MAP7D1: variants seen among roughly 807,000 people sequenced by gnomAD.
MAP7D1 encodes MAP7 domain-containing protein 1.
A neutral mutation model predicts 97.5 loss-of-function variants in MAP7D1; 30 were observed. The observed-to-expected ratio is 0.31, with a 90% CI of 0.23 to 0.42. The LOEUF (loss-of-function observed/expected upper bound fraction) is 0.42, where lower values mean the gene tolerates loss of function less well. Among genes scored for constraint, MAP7D1 ranks in the 10% least tolerant of loss-of-function variants. The pLI, the probability that MAP7D1 is intolerant of heterozygous loss-of-function variation, is 1.00. For synonymous variants in MAP7D1, 536 were observed against 477.1 expected (o/e 1.12, Z -1.61); for missense variants, 1,184 against 1,179.5 (o/e 1.00, Z -0.06).
chr1:36,170,985 ACCC>A lies in MAP7D1; in HGVS notation c.66_68del (p.Pro23del). On this transcript the variant is annotated inframe_deletion, in exon 2 of 17. Coordinates refer to ENST00000474796, the MANE Select transcript of MAP7D1 (RefSeq NM_001388490.1). The stretch of plus-strand genomic sequence containing the variant: ...TGGTCTTTCAGCTGTGGTCGCCAGG[ACCC>A]CCCCAGAGCCAAGACCTTCTCCAGA... 3 of 1,107,864 alleles carry A rather than the reference ACCC, an allele frequency of 2.7e-6. No homozygotes were observed. Among genetic ancestry groups the A allele is most frequent in the Non-Finnish European group, 2.7e-6 (2 of 754,696 alleles). The allele number at this position is 1,107,864 out of a possible 1,614,324, so 68.6% of individuals were successfully genotyped here. A position where few individuals can be genotyped will look rare whatever the true frequency, so the allele number is the denominator to read the frequency against.
At chr1:36,179,171 G>A in intron 12 of MAP7D1, 91 bp from the exon 13 acceptor site, 2 of 1,520,438 alleles carry the variant, frequency 1.3e-6, no homozygotes, top group South Asian at 2.3e-5. Context: ...TGAGCTGGGA[G>A]GCCCTAAGAC....
Position 36,178,921 on chromosome 1 carries a change from A to G in MAP7D1, c.2026A>G (p.Lys676Glu), listed in dbSNP as rs1644672835. ...CCACGCTCATGGGGGTCTTTGGCAG[A>G]AAGAGGAGGCCGAAGCTCGGTCGCG... is the stretch of plus-strand genomic sequence containing the variant. ...QEEQERLQKQKEEAEARSREE... is the reference protein window; with the variant it reads ...QEEQERLQKQEEEAEARSREE... The change falls in exon 12 of 17, where the codon AAA becomes GAA. Residue 676 changes from lysine (K) to glutamate (E), a missense_variant and splice_region_variant. Physicochemically the swap from Lys to Glu is moderately conservative, Grantham distance 56 (BLOSUM62 1). Transcript: ENST00000474796. The G allele has an allele frequency of 6.4e-7, 1 of 1,553,946 alleles. No homozygotes were observed. Among genetic ancestry groups the G allele is most frequent in the East Asian group, 2.4e-5 (1 of 41,166 alleles).
intron 5 of MAP7D1, among the ~76,000 whole-genome samples, chr1:36,174,150 G>A (rs887192325): frequency 6.6e-6 from 1 of 152,206 alleles, no homozygotes; most frequent in Non-Finnish European, 1.5e-5. Flanking sequence ...ACTGGGGATA[G>A]TGATACTACT....
rs1302713382 is a variant in MAP7D1 at position 36,176,105 on chromosome 1, T to C, written c.851-94T>C. On this transcript the variant is annotated intron_variant, in intron 6 of 16. Coordinates refer to ENST00000474796, the MANE Select transcript of MAP7D1 (RefSeq NM_001388490.1). The surrounding 1 kb of genome is among the most constrained non-coding windows in gnomAD (Gnocchi z 6.1). ...GACTCCCGGGTGAGAAGCCTTGGCC[T>C]TGGCATGGGGATGGTGCCTGGTCTG... 9 of 1,434,494 alleles carry C rather than the reference T, an allele frequency of 6.3e-6. No individual in the cohort carries two copies. Among genetic ancestry groups the C allele is most frequent in the Non-Finnish European group, 8.5e-6 (9 of 1,064,746 alleles). The allele number at this position is 1,434,494 out of a possible 1,614,324, so 88.9% of individuals were successfully genotyped here.
At chr1:36,162,583 G>A (rs1570130081) in intron 1 of MAP7D1, among the ~76,000 whole-genome samples, 3 of 152,282 alleles carry the variant, frequency 2.0e-5, no homozygotes, top group East Asian at 3.9e-4. Flanking sequence ...GTGAAATGGG[G>A]GCCATCATAG....
chr1:36,173,670 G>A (rs1644578820), intron 5 of MAP7D1, among the ~76,000 whole-genome samples, 192 bp downstream of exon 5: 1 of 152,230 alleles, frequency 6.6e-6, no homozygotes, highest in South Asian at 2.1e-4. Flanking sequence ...TCAAATCAGA[G>A]ATGGATTCTC....
intron 8 of MAP7D1, 130 bp from the exon 9 acceptor site, chr1:36,177,743 G>C (rs1379980991): frequency 2.2e-6 from 3 of 1,349,582 alleles, no homozygotes; most frequent in Non-Finnish European, 2.9e-6. Context: ...GTGTGTTTCT[G>C]TGAGAGCAAG....
chr1:36,171,662 G>A (rs1644545500), intron 3 of MAP7D1, 81 bp downstream of exon 3: 1 of 1,474,970 alleles, frequency 6.8e-7, no homozygotes, highest in Non-Finnish European at 9.4e-7. Context: ...CTGGGGCGCA[G>A]TGGCTCACGC....
At chr1:36,160,669 C>T (rs1016218063) in intron 1 of MAP7D1, among the ~76,000 whole-genome samples, 1 of 152,232 alleles carries the variant, frequency 6.6e-6, no homozygotes, top group African/African-American at 2.4e-5. Context: ...GAAGTCTGTG[C>T]CCTAAACCTC....
rs548022859 is a variant in MAP7D1 at position 36,173,733 on chromosome 1, C to T, written c.739+255C>T. 2.1e-3 allele frequency among the ~76,000 whole-genome samples: 322 copies of T among 152,272 alleles called. 1 individual carries two copies. The highest frequency in any genetic ancestry group is 0.01 in the Middle Eastern group (3 of 294). ...GTCATTTTAGGATTAGCCTTCTTTG[C>T]GCCTGTCAATTATTATTAGTTGTTG... On this transcript the variant is annotated intron_variant, in intron 5 of 16. Coordinates refer to ENST00000474796, the MANE Select transcript of MAP7D1 (RefSeq NM_001388490.1).
chr1:36,171,627 G>A (rs767754810), intron 3 of MAP7D1, 46 bp downstream of exon 3: 2 of 1,600,378 alleles, frequency 1.2e-6, no homozygotes, highest in Admixed American at 1.7e-5. Flanking sequence ...GTCATCATCA[G>A]CATCCTATTA....
At position 36,170,982 on chromosome 1, in the gene MAP7D1, A is replaced by G. The variant is rs141130793; in HGVS notation, c.58A>G (p.Arg20Gly). Residue 20 changes from arginine (R) to glycine (G), a missense_variant, in exon 2 of 17, where the codon AGG becomes GGG. Arg to Gly is a moderately radical substitution (Grantham distance 125). Transcript: ENST00000474796. ...GAGAPPAVVA[R>G]TPPEPRPSPE... ...TGTTGGTCTTTCAGCTGTGGTCGCC[A>G]GGACCCCCCCAGAGCCAAGACCTTC... 83 of 1,426,732 alleles carry G rather than the reference A, an allele frequency of 5.8e-5. No individual in the cohort carries two copies. The highest frequency in any genetic ancestry group is 7.7e-5 in the Non-Finnish European group (79 of 1,024,126). The allele number at this position is 1,426,732 out of a possible 1,614,324, so 88.4% of individuals were successfully genotyped here. A position where few individuals can be genotyped will look rare whatever the true frequency, so the allele number is the denominator to read the frequency against.
Position 36,172,610 on chromosome 1 carries a change from A to C in MAP7D1, c.607A>C (p.Lys203Gln), listed in dbSNP as rs770768975. 6.4e-7 allele frequency: 1 copy of C among 1,569,736 alleles called. No homozygotes were observed. The highest frequency in any genetic ancestry group is 8.7e-7 in the Non-Finnish European group (1 of 1,147,484). ...AGCCCTGGAGGAACGGCAGCGGCAG[A>C]AGCTCGAGAAAAACAAGGTGCGGGA... ...RAALEERQRQ[K>Q]LEKNKERYEA... The change falls in exon 4 of 17, where the codon AAG becomes CAG. Residue 203 changes from lysine (K) to glutamine (Q), a missense_variant. Lys to Gln is a moderately conservative substitution (Grantham distance 53). Coordinates refer to ENST00000474796, the MANE Select transcript of MAP7D1 (RefSeq NM_001388490.1).
chr1:36,177,948 G>T lies in MAP7D1; in HGVS notation c.1455G>T (p.Gly485=). Residue 485 remains glycine (G), a synonymous_variant, in exon 9 of 17, where the codon GGG becomes GGT. Coordinates refer to ENST00000474796, the MANE Select transcript of MAP7D1 (RefSeq NM_001388490.1). ...CTGCCTCCCCCTGCCCCAGCCCAGG[G>T]CCAGGCCACACTCTGCCTCCAAAGC... The part of the protein sequence containing the change: ...HRPASPCPSP[G]PGHTLPPKPP... 6.3e-7 allele frequency: 1 copy of T among 1,593,662 alleles called. No individual in the cohort carries two copies.
intron 1 of MAP7D1, among the ~76,000 whole-genome samples, chr1:36,157,619 G>T (rs1190525376): frequency 6.6e-6 from 1 of 152,184 alleles, no homozygotes; most frequent in Admixed American, 6.5e-5. Context: ...ACTCAGGGGG[G>T]AGGTGGCCCC....
chr1:36,179,389 A>T (rs1029835731), intron 13 of MAP7D1, 74 bp downstream of exon 13: 2 of 1,594,184 alleles, frequency 1.3e-6, no homozygotes, highest in Non-Finnish European at 1.7e-6. Flanking sequence ...AAAGGCATCC[A>T]TGGCCACGGA....
At position 36,156,184 on chromosome 1, in the gene MAP7D1, C is replaced by T. The variant is rs1181852274; in HGVS notation, c.-234C>T. ...GGTTGGGCCGAGGCCGGGACTGGGC[C>T]GGCGCCGGGCGGGGAACGGGTTCGC... is the stretch of plus-strand genomic sequence containing the variant. On this transcript the variant is annotated 5_prime_UTR_variant, in exon 1 of 17. Coordinates refer to ENST00000474796, the MANE Select transcript of MAP7D1 (RefSeq NM_001388490.1). The T allele has an allele frequency of 1.4e-5, 6 of 421,988 alleles. No homozygotes were observed. Among genetic ancestry groups the T allele is most frequent in the Non-Finnish European group, 2.5e-5 (6 of 241,180 alleles). 26.1% of individuals were successfully genotyped at this position (421,988 alleles called of 1,614,324 possible).
intron 1 of MAP7D1, among the ~76,000 whole-genome samples, chr1:36,169,080 C>T (rs771841679): frequency 3.3e-5 from 5 of 151,678 alleles, no homozygotes; most frequent in South Asian, 4.2e-4. Flanking sequence ...GGTGAAACGC[C>T]GTCTCTACTA....
In MAP7D1 at chr1:36,176,438, T is replaced by C; in HGVS notation, c.1090T>C (p.Ser364Pro). The C allele has an allele frequency of 6.6e-7, 1 of 1,519,560 alleles. No individual in the cohort carries two copies. Among genetic ancestry groups the C allele is most frequent in the Admixed American group, 2.0e-5 (1 of 50,650 alleles). The allele number at this position is 1,519,560 out of a possible 1,614,324, so 94.1% of individuals were successfully genotyped here. ...TGCAGCCGTGCCGGTGTGCCCGCGCTCGGCCTCCGCCAGCCCCCTGACGCC... is the reference window on the plus strand; with the variant it reads ...TGCAGCCGTGCCGGTGTGCCCGCGCCCGGCCTCCGCCAGCCCCCTGACGCC... ...PSAAVPVCPR[S>P]ASASPLTPCS... Residue 364 changes from serine (S) to proline (P), a missense_variant, in exon 7 of 17, where the codon TCG becomes CCG. By Grantham distance (74) the Ser-to-Pro change is moderately conservative. Coordinates refer to ENST00000474796, the MANE Select transcript of MAP7D1 (RefSeq NM_001388490.1). The surrounding 1 kb of genome is among the most constrained non-coding windows in gnomAD (Gnocchi z 6.1).
Sources: gnomAD v4.1 joint callset for allele counts (sites outside exome capture counted in the v4.1 genomes callset) on GRCh38, gnomAD v4.1.1 for gene constraint, Gnocchi (gnomAD v3.1) non-coding constraint, MANE v1.5 for transcripts, NCBI Gene and HGNC (gene_info 2026-07-23, HGNC 2026-07-21) for gene names.